The following ZBTB49 variants were observed in gnomAD, a reference collection of about 807,000 sequenced individuals.
ZBTB49 encodes zinc finger and BTB domain-containing protein 49.
Under a neutral mutation model 57.5 loss-of-function variants are expected in ZBTB49, and 43 were observed. The ratio of observed to expected loss-of-function variants is 0.75; its 90% CI spans 0.59 to 0.97. ZBTB49 has a LOEUF of 0.97. ZBTB49 is among the 50% of genes least tolerant of loss of function. The pLI is 0.00. For synonymous variants in ZBTB49, 369 were observed against 362.1 expected, an observed-to-expected ratio of 1.02 and a Z score of -0.22; for missense variants, 938 against 947.7, an observed-to-expected ratio of 0.99 and a Z score of 0.13.
chr4:4,292,281 G>A (rs1245065296), intron 1 of ZBTB49, among the ~76,000 whole-genome samples: 4 of 151,928 alleles, frequency 2.6e-5, no homozygotes, highest in East Asian at 3.9e-4. Context: ...ACTGCGTCTC[G>A]GAAAAAAATA....
At chr4:4,315,784 T>A (rs773693657) in intron 6 of ZBTB49, 25 bp from the exon 7 acceptor site, 2 of 1,613,884 alleles carry the variant, frequency 1.2e-6, no homozygotes, top group East Asian at 4.5e-5. Context: ...GTCCTTCAGC[T>A]TAACACCTGT....
At chr4:4,304,605 T>C (rs752598265) in intron 3 of ZBTB49, among the ~76,000 whole-genome samples, 1 of 152,222 alleles carries the variant, frequency 6.6e-6, no homozygotes, top group Non-Finnish European at 1.5e-5. Context: ...CCTCTTTGAA[T>C]GACAGATACA....
chr4:4,308,234 C>T (rs748747976), intron 4 of ZBTB49, among the ~76,000 whole-genome samples: 7 of 152,138 alleles, frequency 4.6e-5, no homozygotes, highest in African/African-American at 1.2e-4. Context: ...CGTTCCACCA[C>T]GCCCAGCTCA....
intron 1 of ZBTB49, among the ~76,000 whole-genome samples, chr4:4,291,389 C>T (rs1472229769): frequency 1.3e-5 from 2 of 152,132 alleles, no homozygotes; most frequent in Non-Finnish European, 2.9e-5. Flanking sequence ...TTTATGAGAA[C>T]GTCAGTCAGG....
chr4:4,300,132 A>G (rs775901054), intron 2 of ZBTB49, 35 bp downstream of exon 2: 3 of 1,609,604 alleles, frequency 1.9e-6, no homozygotes, highest in African/African-American at 2.7e-5. Context: ...CTAGCTGTGA[A>G]TTAAGGGTAA....
Position 4,302,397 on chromosome 4 carries a change from A to C in ZBTB49, c.561A>C (p.Ala187=), listed in dbSNP as rs1346046216. 5 of 1,614,246 alleles carry C rather than the reference A, an allele frequency of 3.1e-6. No individual in the cohort carries two copies. The highest frequency in any genetic ancestry group is 2.2e-5 in the East Asian group (1 of 44,892). Residue 187 remains alanine (A), a synonymous_variant, in exon 3 of 8, where the codon GCA becomes GCC. Transcript: ENST00000337872. ...ASPSVNRHHS[A]GEISKQAPDT... ...CATCAGTTAATCGTCATCACTCCGC[A>C]GGTGAAATCTCAAAACAAGCTCCTG... is the stretch of plus-strand genomic sequence containing the variant.
chr4:4,297,739 A>C (rs1257449914), intron 1 of ZBTB49, among the ~76,000 whole-genome samples: 1 of 148,692 alleles, frequency 6.7e-6, no homozygotes, highest in Non-Finnish European at 1.5e-5. Flanking sequence ...ACATCACTGC[A>C]CTGTAGCCTG....
chr4:4,296,561 C>T (rs1029177012), intron 1 of ZBTB49, among the ~76,000 whole-genome samples: 3 of 152,196 alleles, frequency 2.0e-5, no homozygotes, highest in African/African-American at 7.2e-5. Context: ...GATTGTGAGG[C>T]CTCTCCAGGC....
chr4:4,299,332 C>T (rs986678302), intron 1 of ZBTB49, among the ~76,000 whole-genome samples: 1 of 152,182 alleles, frequency 6.6e-6, no homozygotes, highest in African/African-American at 2.4e-5. Context: ...TTTGCGATGT[C>T]TCTTATATCA....
chr4:4,303,926 G>A (rs1720625886), intron 3 of ZBTB49, among the ~76,000 whole-genome samples: 1 of 152,016 alleles, frequency 6.6e-6, no homozygotes, highest in Admixed American at 6.6e-5. Context: ...CATGCAACAG[G>A]ATGCTTCCAC....
At chr4:4,290,851 G>A (rs1018830096) in intron 1 of ZBTB49, among the ~76,000 whole-genome samples, 3 of 152,236 alleles carry the variant, frequency 2.0e-5, no homozygotes, top group African/African-American at 7.2e-5. Context: ...GAATGTCATA[G>A]CGGCACCTGC....
intron 1 of ZBTB49, among the ~76,000 whole-genome samples, chr4:4,297,763 G>GA (rs957928841): frequency 5.2e-5 from 7 of 134,714 alleles, no homozygotes; most frequent in African/African-American, 1.9e-4. Flanking sequence ...GGCAGAGCTA[G>GA]ATCCTGTTTC....
At chr4:4,306,458 A>G (rs1346215547) in intron 4 of ZBTB49, among the ~76,000 whole-genome samples, 2 of 152,220 alleles carry the variant, frequency 1.3e-5, no homozygotes, top group African/African-American at 4.8e-5. Flanking sequence ...CGTTTCATGA[A>G]TGAAGTTCAC....
intron 5 of ZBTB49, among the ~76,000 whole-genome samples, chr4:4,314,741 C>T (rs999079885): frequency 6.6e-6 from 1 of 152,178 alleles, no homozygotes; most frequent in African/African-American, 2.4e-5. Flanking sequence ...TGCTATCAAG[C>T]GTAGTGGAAA....
chr4:4,303,818 A>G (rs1200515719), intron 3 of ZBTB49, among the ~76,000 whole-genome samples: 3 of 150,520 alleles, frequency 2.0e-5, no homozygotes, highest in Non-Finnish European at 4.4e-5. Context: ...ACATTATGTT[A>G]TACAATACAT....
At chr4:4,307,434 C>G (rs138550472) in intron 4 of ZBTB49, among the ~76,000 whole-genome samples, 3 of 152,336 alleles carry the variant, frequency 2.0e-5, no homozygotes, top group Non-Finnish European at 2.9e-5. Flanking sequence ...GCGTCACTAC[C>G]CTGTGACTTT....
intron 1 of ZBTB49, among the ~76,000 whole-genome samples, 152 bp from the exon 2 acceptor site, chr4:4,299,775 A>AGG (rs140596553): frequency 6.7e-5 from 8 of 119,454 alleles, no homozygotes; most frequent in African/African-American, 3.0e-4. Context: ...TCAGAAACAG[A>AGG]GGTGTGTGTG....
chr4:4,299,955 G>C lies in ZBTB49; in HGVS notation c.10G>C (p.Val4Leu). Reference sequence around the variant, plus strand: ...ACCTGAATGGTTGAGCATGGACCCTGTTGCTACCCACAGCTGCCATCTGCT... The same window carrying C: ...ACCTGAATGGTTGAGCATGGACCCTCTTGCTACCCACAGCTGCCATCTGCT... MDP[V>L]ATHSCHLLQQ... Residue 4 changes from valine (V) to leucine (L), a missense_variant, in exon 2 of 8, where the codon GTT becomes CTT. By Grantham distance (32) the Val-to-Leu change is conservative. Transcript: ENST00000337872. 2.5e-6 allele frequency: 4 copies of C among 1,614,144 alleles called. No homozygotes were observed. Among genetic ancestry groups the C allele is most frequent in the Non-Finnish European group, 3.4e-6 (4 of 1,180,010 alleles).
chr4:4,299,501 T>C (rs1482976254), intron 1 of ZBTB49, among the ~76,000 whole-genome samples: 1 of 152,236 alleles, frequency 6.6e-6, no homozygotes, highest in Non-Finnish European at 1.5e-5. Flanking sequence ...CATTTTTATG[T>C]ATGTGTATAT....
Sources: allele counts gnomAD v4.1 joint callset (sites outside exome capture counted in the v4.1 genomes callset), GRCh38; gene constraint gnomAD v4.1.1; transcripts MANE v1.5; gene names NCBI Gene and HGNC (gene_info 2026-07-23, HGNC 2026-07-21).